Variants in FGF14 observed in about 807,000 individuals in gnomAD.
FGF14 encodes fibroblast growth factor 14.
FGF14 carries 5 observed loss-of-function variants against 25.5 expected under a neutral mutation model. The ratio of observed to expected loss-of-function variants is 0.20; its 90% CI spans 0.10 to 0.41. The LOEUF is 0.41. Ranked by LOEUF, FGF14 falls within the 10% of genes least tolerant of loss-of-function variation. The probability of loss-of-function intolerance (pLI) is 1.00; values close to 1 mark genes in which losing one functional copy is unlikely to be tolerated. For synonymous variants in FGF14, 138 were observed against 118.3 expected, an observed-to-expected ratio of 1.17 and a Z score of -1.08; for missense variants, 222 against 320.1, an observed-to-expected ratio of 0.69 and a Z score of 2.34.
At chr13:101,897,647 A>G (rs2030897264) in intron 1 of FGF14, among the ~76,000 whole-genome samples, 1 of 152,204 alleles carries the variant, frequency 6.6e-6, no homozygotes, top group Admixed American at 6.5e-5. Flanking sequence ...GGTTTTTAAC[A>G]TTCTGGAAGG....
chr13:102,382,867 T>A (rs1166412394), intron 1 of FGF14, among the ~76,000 whole-genome samples: 1 of 152,134 alleles, frequency 6.6e-6, no homozygotes, highest in Non-Finnish European at 1.5e-5. Context: ...TATTGAATGA[T>A]TCCATTCTTA....
chr13:101,893,821 T>A (rs1343530161), intron 1 of FGF14, among the ~76,000 whole-genome samples: 1 of 151,964 alleles, frequency 6.6e-6, no homozygotes, highest in African/African-American at 2.4e-5. Context: ...TATAAGATAA[T>A]CAGTTTATGT....
At chr13:102,235,198 T>C (rs1029450663) in intron 1 of FGF14, among the ~76,000 whole-genome samples, 2 of 152,224 alleles carry the variant, frequency 1.3e-5, no homozygotes, top group Non-Finnish European at 2.9e-5. Context: ...TATTTTGGGA[T>C]CTATTTATAT....
chr13:102,004,940 T>C (rs1422062420), intron 1 of FGF14, among the ~76,000 whole-genome samples: 1 of 152,198 alleles, frequency 6.6e-6, no homozygotes, highest in East Asian at 1.9e-4. Flanking sequence ...CCCAGTCCTG[T>C]GGAACTGTGA....
At chr13:102,174,123 A>C (rs2048347886) in intron 1 of FGF14, among the ~76,000 whole-genome samples, 1 of 147,216 alleles carries the variant, frequency 6.8e-6, no homozygotes, top group Non-Finnish European at 1.5e-5. Flanking sequence ...AACATGCAAA[A>C]GATCAGCATT....
rs73583538 is a variant in FGF14 at position 102,159,360 on chromosome 13, C to T, written c.208+242111G>A. On this transcript the variant is annotated intron_variant, in intron 1 of 4. Coordinates refer to the FGF14 transcript ENST00000376131. ...TTTTAGTTGGGCCTCAAAGATGAATCGGTTTTCTCCAAATGGGGAGATGGG... is the reference window on the plus strand; with the variant it reads ...TTTTAGTTGGGCCTCAAAGATGAATTGGTTTTCTCCAAATGGGGAGATGGG... 3.0e-3 allele frequency among the ~76,000 whole-genome samples: 463 copies of T among 152,182 alleles called. 1 individual carries two copies. Among genetic ancestry groups the T allele is most frequent in the African/African-American group, 0.01 (426 of 41,506 alleles).
At chr13:101,951,540 C>G (rs929796095) in intron 1 of FGF14, among the ~76,000 whole-genome samples, 3 of 152,060 alleles carry the variant, frequency 2.0e-5, no homozygotes, top group Non-Finnish European at 4.4e-5. Flanking sequence ...AAGAATTAGA[C>G]TCAAATTATA....
intron 1 of FGF14, among the ~76,000 whole-genome samples, chr13:101,899,483 T>C (rs1367396914): frequency 2.6e-5 from 4 of 151,946 alleles, no homozygotes; most frequent in Admixed American, 2.6e-4. Context: ...GAAAGGTAAA[T>C]TCAATGGATG....
upstream of FGF14, among the ~76,000 whole-genome samples, chr13:101,917,491 G>C (rs558168346): frequency 4.6e-5 from 7 of 152,264 alleles, no homozygotes; most frequent in East Asian, 1.4e-3. Flanking sequence ...CAACTCGCTG[G>C]TTCCCGAGCC....
At chr13:102,205,556 A>C (rs2049866967) in intron 1 of FGF14, among the ~76,000 whole-genome samples, 1 of 152,082 alleles carries the variant, frequency 6.6e-6, no homozygotes, top group Non-Finnish European at 1.5e-5. Context: ...TTTGCCTTCA[A>C]GGGTCAGAGG....
chr13:102,204,775 G>A (rs2049830483), intron 1 of FGF14, among the ~76,000 whole-genome samples: 1 of 152,018 alleles, frequency 6.6e-6, no homozygotes, highest in South Asian at 2.1e-4. Flanking sequence ...TCGAACTCCT[G>A]ACCAAGTGAT....
intron 3 of FGF14, among the ~76,000 whole-genome samples, chr13:101,823,887 T>C (rs1017383978): frequency 3.1e-4 from 45 of 145,354 alleles, no homozygotes; most frequent in African/African-American, 1.1e-3. Flanking sequence ...TTAAAAATCC[T>C]ATATGGCATT....
At chr13:101,796,585 G>T (rs922674690) in intron 3 of FGF14, among the ~76,000 whole-genome samples, 1 of 151,904 alleles carries the variant, frequency 6.6e-6, no homozygotes, top group African/African-American at 2.4e-5. Flanking sequence ...AGACAAATAC[G>T]ATCATGAAGA....
At chr13:102,004,550 T>C (rs1013553073) in intron 1 of FGF14, among the ~76,000 whole-genome samples, 6 of 152,218 alleles carry the variant, frequency 3.9e-5, no homozygotes, top group Non-Finnish European at 8.8e-5. Flanking sequence ...AGCCTCTCTC[T>C]AGTTATAGTC....
At position 102,146,832 on chromosome 13, in the gene FGF14, T is replaced by A. The variant is rs9582554; in HGVS notation, c.208+254639A>T. 3.8e-3 allele frequency among the ~76,000 whole-genome samples: 576 copies of A among 152,264 alleles called. 6 individuals are homozygous for A. Among genetic ancestry groups the A allele is most frequent in the African/African-American group, 0.012 (506 of 41,554 alleles). Reference sequence around the variant, plus strand: ...AATCAGACACATTCATGAAGACCACTAATGAGAACGAATTGTATGAAACAC... The same window carrying A: ...AATCAGACACATTCATGAAGACCACAAATGAGAACGAATTGTATGAAACAC... On this transcript the variant is annotated intron_variant, in intron 1 of 4. Coordinates refer to the FGF14 transcript ENST00000376131.
chr13:101,741,587 T>G (rs561371111), intron 3 of FGF14, among the ~76,000 whole-genome samples: 1 of 151,746 alleles, frequency 6.6e-6, no homozygotes, highest in Non-Finnish European at 1.5e-5. Flanking sequence ...ATTTACAAAT[T>G]CATCTAAACC....
chr13:101,764,171 A>G (rs1362387290), intron 3 of FGF14, among the ~76,000 whole-genome samples: 1 of 152,128 alleles, frequency 6.6e-6, no homozygotes, highest in Admixed American at 6.5e-5. Flanking sequence ...TGGTTTTATT[A>G]TTCTTATTTT....
intron 3 of FGF14, among the ~76,000 whole-genome samples, chr13:101,740,761 A>G (rs532158419): frequency 1.2e-4 from 19 of 152,186 alleles, no homozygotes; most frequent in African/African-American, 4.3e-4. Context: ...ATTTTCCACA[A>G]TGTTGCATGT....
rs148522345 is a variant in FGF14 at position 101,863,680 on chromosome 13, A to G, written c.408+5045T>C. On this transcript the variant is annotated intron_variant, in intron 3 of 4. Coordinates refer to ENST00000376143, the MANE Select transcript of FGF14 (RefSeq NM_004115.4). ...GTTACTCTTAGGGAAGATTAGAAAG[A>G]CTCTGAAGGATGATAGGTACCATAC... Among the ~76,000 whole-genome samples the G allele has an allele frequency of 6.7e-3, 1,015 of 152,040 alleles. 12 individuals are homozygous for G. Among genetic ancestry groups the G allele is most frequent in the Non-Finnish European group, 8.9e-3 (603 of 67,974 alleles).
Sources: gnomAD v4.1 joint callset for allele counts (sites outside exome capture counted in the v4.1 genomes callset) on GRCh38, gnomAD v4.1.1 for gene constraint, MANE v1.5 for transcripts, NCBI Gene and HGNC (gene_info 2026-07-23, HGNC 2026-07-21) for gene names.